COP1: variants seen among roughly 807,000 people sequenced by gnomAD.
COP1 encodes the protein COP1 E3 ubiquitin ligase.
A neutral mutation model predicts 101.3 loss-of-function variants in COP1; 24 were observed. The observed-to-expected ratio is 0.24, with a 90% CI of 0.17 to 0.33. COP1 has a LOEUF of 0.33. Among genes scored for constraint, COP1 ranks in the 10% least tolerant of loss-of-function variants. The pLI is 1.00. For missense variants in COP1, 663 were observed against 906.2 expected, an observed-to-expected ratio of 0.73 and a Z score of 3.45; for synonymous variants, 347 against 341.9, an observed-to-expected ratio of 1.01 and a Z score of -0.17.
At chr1:176,114,593 G>A (rs773931568) in intron 9 of COP1, among the ~76,000 whole-genome samples, 1 of 146,074 alleles carries the variant, frequency 6.8e-6, no homozygotes, top group Non-Finnish European at 1.5e-5. Flanking sequence ...TTTTGCGGGG[G>A]GAGGGAGTGG....
intron 11 of COP1, among the ~76,000 whole-genome samples, chr1:176,080,492 G>T (rs1033974201): frequency 6.6e-6 from 1 of 152,088 alleles, no homozygotes; most frequent in Non-Finnish European, 1.5e-5. Context: ...TCTCTGGGAA[G>T]ATCAATAAAA....
rs192043102 is a variant in COP1, at chr1:176,031,541, T to G, written c.1613-3853A>C. ...AAAGTAAATTTAAAAGAAAATATCA[T>G]CTTCTAGGTGAAGAGCTAAAGCAAT... On this transcript the variant is annotated intron_variant, in intron 14 of 19. Coordinates refer to ENST00000367669, the MANE Select transcript of COP1 (RefSeq NM_022457.7). Among the ~76,000 whole-genome samples, 312 of 152,290 alleles carry G rather than the reference T, an allele frequency of 2.0e-3. 5 individuals are homozygous for G. Among genetic ancestry groups the G allele is most frequent in the Non-Finnish European group, 5.9e-5 (4 of 68,016 alleles).
chr1:176,148,158 A>T (rs1219143835), intron 6 of COP1, among the ~76,000 whole-genome samples: 1 of 152,194 alleles, frequency 6.6e-6, no homozygotes, highest in Non-Finnish European at 1.5e-5. Flanking sequence ...TCACAACTAA[A>T]TTAGCAACAG....
At chr1:176,021,146 C>T (rs1246706335) in intron 15 of COP1, among the ~76,000 whole-genome samples, 1 of 152,048 alleles carries the variant, frequency 6.6e-6, no homozygotes. Flanking sequence ...CCAGGTCCAG[C>T]CAGGAATCAG....
In COP1 at chr1:175,987,082, T is replaced by A; in HGVS notation, c.1994A>T (p.Tyr665Phe). The A allele has an allele frequency of 6.6e-7, 1 of 1,509,362 alleles. No homozygotes were observed. 93.5% of individuals were successfully genotyped at this position (1,509,362 alleles called of 1,614,324 possible). ...IACGSENNSL[Y>F]LYYKGLSKTL... is the part of the protein sequence containing the mutation. ...CTTAGAAAGTCCTTTATAGTACAGGTAGAGAGAGTTATTTTCACTTCCTGA... is the reference window on the plus strand; with the variant it reads ...CTTAGAAAGTCCTTTATAGTACAGGAAGAGAGAGTTATTTTCACTTCCTGA... Residue 665 changes from tyrosine to phenylalanine, a missense_variant, in exon 18 of 20, where the codon TAC becomes TTC. Coordinates refer to ENST00000367669, the MANE Select transcript of COP1 (RefSeq NM_022457.7).
chr1:176,083,744 T>C (rs1264968677), intron 10 of COP1, among the ~76,000 whole-genome samples: 1 of 152,182 alleles, frequency 6.6e-6, no homozygotes, highest in East Asian at 1.9e-4. Context: ...TTTGAAAATA[T>C]ACAAAGGACA....
rs1221051301 is a variant in COP1 at position 176,043,791 on chromosome 1, C to A, written c.1449G>T (p.Lys483Asn). 1 of 1,606,116 alleles carries A rather than the reference C, an allele frequency of 6.2e-7. No homozygotes were observed. The highest frequency in any genetic ancestry group is 8.5e-7 in the Non-Finnish European group (1 of 1,173,068). ...ISCISWSSYH[K>N]NLLASSDYEG... ...CATAATCACTGCTAGCTAACAGGTTCTTATGGTAACTACTCCAACTGATAC... is the reference window on the plus strand; with the variant it reads ...CATAATCACTGCTAGCTAACAGGTTATTATGGTAACTACTCCAACTGATAC... Residue 483 changes from lysine (K) to asparagine (N), a missense_variant, in exon 13 of 20, where the codon AAG becomes AAT. This residue lies in a region of COP1 where 209 missense variants were observed against 383.3 expected (regional missense o/e 0.55). Transcript: ENST00000367669.
chr1:176,204,852 C>T (rs1048490718), intron 1 of COP1, among the ~76,000 whole-genome samples: 3 of 152,122 alleles, frequency 2.0e-5, no homozygotes, highest in Non-Finnish European at 4.4e-5. Flanking sequence ...TGCTTGAACC[C>T]GGGAGGCGGG....
rs530777743 is a variant in COP1 at position 176,019,154 on chromosome 1, A to G, written c.1729+8418T>C. 3.3e-5 allele frequency among the ~76,000 whole-genome samples: 5 copies of G among 149,352 alleles called. No individual in the cohort carries two copies. In the South Asian group the frequency reaches 8.5e-4, roughly 25 times the overall value. On this transcript the variant is annotated intron_variant, in intron 15 of 19. Transcript: ENST00000367669. ...GCACTCCAGCTTGGGCAACAGAGCG[A>G]GAATAGACTTTTTAAAAAAATAAAT...
chr1:176,120,489 G>C (rs554851608), intron 8 of COP1, among the ~76,000 whole-genome samples: 1 of 152,010 alleles, frequency 6.6e-6, no homozygotes, highest in African/African-American at 2.4e-5. Context: ...AAAAATTTCA[G>C]GGTAGTAACT....
intron 6 of COP1, among the ~76,000 whole-genome samples, chr1:176,148,685 A>C (rs926787105): frequency 5.9e-5 from 9 of 152,114 alleles, no homozygotes; most frequent in Non-Finnish European, 2.9e-5. Flanking sequence ...TTTATTATCT[A>C]AATTTTCCTA....
At chr1:176,004,776 G>T (rs1199230210) in intron 15 of COP1, among the ~76,000 whole-genome samples, 2 of 150,280 alleles carry the variant, frequency 1.3e-5, no homozygotes, top group Non-Finnish European at 3.0e-5. Flanking sequence ...GAGGATTTTT[G>T]CATCAATGTT....
intron 9 of COP1, among the ~76,000 whole-genome samples, chr1:176,107,719 G>A (rs1382339688): frequency 6.6e-6 from 1 of 152,084 alleles, no homozygotes; most frequent in Non-Finnish European, 1.5e-5. Context: ...GTGAAATCTG[G>A]CAGCCACCAT....
intron 18 of COP1, 166 bp from the exon 19 acceptor site, chr1:175,947,405 C>G (rs916835322): frequency 5.6e-6 from 3 of 537,134 alleles, no homozygotes; most frequent in Non-Finnish European, 1.0e-5. Flanking sequence ...GAGTCTTGCT[C>G]TGTTGCCCAG....
At chr1:176,009,344 A>T (rs1214103635) in intron 15 of COP1, among the ~76,000 whole-genome samples, 4 of 152,244 alleles carry the variant, frequency 2.6e-5, no homozygotes, top group African/African-American at 9.6e-5. Context: ...ATTTTAATAC[A>T]TAATTTCTCA....
intron 11 of COP1, among the ~76,000 whole-genome samples, chr1:176,060,119 C>T (rs775119227): frequency 3.3e-5 from 5 of 151,998 alleles, no homozygotes; most frequent in Non-Finnish European, 7.4e-5. Context: ...TATTAGGTGG[C>T]TCATTTTGTT....
intron 9 of COP1, among the ~76,000 whole-genome samples, chr1:176,105,988 T>C (rs999632994): frequency 1.3e-5 from 2 of 152,200 alleles, no homozygotes; most frequent in Non-Finnish European, 2.9e-5. Context: ...CAGGCTTAAC[T>C]AACTTTGGGA....
chr1:176,123,556 A>AT (rs1687494732), intron 8 of COP1, among the ~76,000 whole-genome samples: 1 of 152,154 alleles, frequency 6.6e-6, no homozygotes, highest in Non-Finnish European at 1.5e-5. Flanking sequence ...TATAAATGGA[A>AT]TTAACAGGGA....
chr1:176,125,006 CTGA>C (rs986225217), intron 8 of COP1, among the ~76,000 whole-genome samples: 1 of 152,136 alleles, frequency 6.6e-6, no homozygotes, highest in African/African-American at 2.4e-5. Context: ...ATTTGCATTT[CTGA>C]TGATCAATGA....
Sources: allele counts gnomAD v4.1 joint callset (sites outside exome capture counted in the v4.1 genomes callset), GRCh38; gene constraint gnomAD v4.1.1; regional missense constraint gnomAD v4.1.1; transcripts MANE v1.5; gene names NCBI Gene and HGNC (gene_info 2026-07-23, HGNC 2026-07-21).